The following MREG variants were observed in gnomAD, a reference collection of about 807,000 sequenced individuals.
MREG encodes the protein melanoregulin, also known as dilute suppressor protein homolog.
MREG carries 31 observed loss-of-function variants against 28.5 expected under a neutral mutation model. The observed-to-expected ratio is 1.09, with a 90% CI of 0.82 to 1.47. The LOEUF is 1.47. Ranked by LOEUF, MREG falls within the 40% of genes most tolerant of loss-of-function variation. The pLI is 0.00. For missense variants in MREG, 256 were observed against 257.4 expected (o/e 0.99, Z 0.04); for synonymous variants, 106 against 95.2 (o/e 1.11, Z -0.66).
intron 1 of MREG, among the ~76,000 whole-genome samples, chr2:215,998,535 C>A (rs1316665093): frequency 6.6e-6 from 1 of 152,084 alleles, no homozygotes; most frequent in African/African-American, 2.4e-5. Context: ...AACAAAGTAC[C>A]TGGCCCTATG....
At position 216,004,557 on chromosome 2, in the gene MREG, A is replaced by AC. The variant is rs1243087186; in HGVS notation, c.96-8093_96-8092insG. On this transcript the variant is annotated intron_variant, in intron 1 of 4. Coordinates refer to ENST00000263268, the MANE Select transcript of MREG (RefSeq NM_018000.3). Reference sequence around the variant, plus strand: ...AGACTCTGCCTCAAAAAAAACAAAAAAACAAACAAAAAAAAAAAACCTGTG... The same window carrying AC: ...AGACTCTGCCTCAAAAAAAACAAAAACAACAAACAAAAAAAAAAAACCTGTG... Among the ~76,000 whole-genome samples the AC allele has an allele frequency of 2.6e-3, 262 of 102,192 alleles. 3 individuals carry two copies. Among genetic ancestry groups the AC allele is most frequent in the African/African-American group, 7.3e-3 (158 of 21,662 alleles). The allele number at this position is 102,192 out of a possible 152,430, so 67.0% of individuals were successfully genotyped here.
At chr2:215,954,449 C>A (rs28728392) in intron 2 of MREG, among the ~76,000 whole-genome samples, 24 of 94,088 alleles carry the variant, frequency 2.6e-4, no homozygotes, top group East Asian at 1.5e-3. Flanking sequence ...GTGTACAACA[C>A]ACACACACAC....
intron 1 of MREG, among the ~76,000 whole-genome samples, chr2:216,031,647 AAAAG>A (rs200929112): frequency 0.031 from 3,049 of 97,858 alleles, 84 homozygotes; most frequent in African/African-American, 0.065. Flanking sequence ...AAGGAAGAAG[AAAAG>A]AAAGAAAGAA....
chr2:215,995,023 A>G (rs1345985749), intron 2 of MREG, among the ~76,000 whole-genome samples: 1 of 152,238 alleles, frequency 6.6e-6, no homozygotes, highest in African/African-American at 2.4e-5. Flanking sequence ...GGTTAATGTA[A>G]TACAGGAGTG....
At chr2:216,005,217 G>A (rs1000258487) in intron 1 of MREG, among the ~76,000 whole-genome samples, 31 of 152,076 alleles carry the variant, frequency 2.0e-4, no homozygotes, top group African/African-American at 6.7e-4. Context: ...ACAACAACAC[G>A]GAGGAATCTC....
chr2:215,970,614 C>T (rs1198679155), intron 2 of MREG, among the ~76,000 whole-genome samples: 1 of 152,200 alleles, frequency 6.6e-6, no homozygotes, highest in Non-Finnish European at 1.5e-5. Flanking sequence ...AGGGAAACAG[C>T]ATGAGCTCTG....
intron 2 of MREG, among the ~76,000 whole-genome samples, chr2:215,960,554 G>A (rs987006083): frequency 4.6e-5 from 7 of 152,122 alleles, no homozygotes; most frequent in Admixed American, 2.0e-4. Context: ...AAGATATTTG[G>A]GCTGGGCACG....
chr2:215,963,050 G>C (rs2372677), intron 2 of MREG, among the ~76,000 whole-genome samples: 145,323 of 152,218 alleles, frequency 0.95, 69,514 homozygotes, highest in African/African-American at 0.99. Context: ...ATTGCTTGAG[G>C]CTGGGAGGTC....
At chr2:216,028,820 C>T (rs987964996) in intron 1 of MREG, among the ~76,000 whole-genome samples, 3 of 151,834 alleles carry the variant, frequency 2.0e-5, no homozygotes, top group Non-Finnish European at 4.4e-5. Flanking sequence ...CTGTAATTGT[C>T]TATAACAACA....
At chr2:215,955,229 C>T (rs1406263114) in intron 2 of MREG, among the ~76,000 whole-genome samples, 1 of 152,078 alleles carries the variant, frequency 6.6e-6, no homozygotes, top group Non-Finnish European at 1.5e-5. Flanking sequence ...ACTTTTTTAC[C>T]ATTTAGTATA....
At chr2:215,999,635 G>A (rs1199715984) in intron 1 of MREG, among the ~76,000 whole-genome samples, 1 of 152,212 alleles carries the variant, frequency 6.6e-6, no homozygotes, top group African/African-American at 2.4e-5. Context: ...AATTATGATT[G>A]AGATAAAAGT....
At chr2:216,027,935 C>T (rs1694620745) in intron 1 of MREG, among the ~76,000 whole-genome samples, 1 of 152,118 alleles carries the variant, frequency 6.6e-6, no homozygotes. Flanking sequence ...TTTCAAAATA[C>T]ACTTAAAGTC....
At chr2:215,985,766 GT>G (rs1426082549) in intron 2 of MREG, among the ~76,000 whole-genome samples, 16 of 152,078 alleles carry the variant, frequency 1.1e-4, no homozygotes, top group African/African-American at 2.9e-4. Context: ...ACATTCCTAG[GT>G]CTTTTGTGCT....
intron 1 of MREG, among the ~76,000 whole-genome samples, chr2:216,006,845 T>C (rs529117508): frequency 1.3e-5 from 2 of 152,310 alleles, no homozygotes; most frequent in East Asian, 3.9e-4. Flanking sequence ...AGCCCTCCCT[T>C]ACCCCCACCC....
At chr2:215,946,237 T>TAA (rs112515028) in intron 3 of MREG, among the ~76,000 whole-genome samples, 2 of 140,218 alleles carry the variant, frequency 1.4e-5, no homozygotes, top group African/African-American at 5.3e-5. Context: ...TTTCATTGTT[T>TAA]AAAAAAAAAA....
intron 1 of MREG, among the ~76,000 whole-genome samples, chr2:215,996,835 C>T (rs187017359): frequency 6.6e-6 from 1 of 152,140 alleles, no homozygotes; most frequent in East Asian, 1.9e-4. Context: ...GGCTGGAGTG[C>T]AGTGGCACGA....
At chr2:215,948,217 C>T (rs997242677) in intron 2 of MREG, among the ~76,000 whole-genome samples, 1 of 152,208 alleles carries the variant, frequency 6.6e-6, no homozygotes, top group African/African-American at 2.4e-5. Flanking sequence ...ATTTAGCTGC[C>T]ATTCGCAAAT....
chr2:215,995,373 G>T (rs1053777751), intron 2 of MREG, among the ~76,000 whole-genome samples: 2 of 152,056 alleles, frequency 1.3e-5, no homozygotes, highest in Non-Finnish European at 2.9e-5. Context: ...TAAAAGGACC[G>T]GGACACATGA....
intron 2 of MREG, among the ~76,000 whole-genome samples, chr2:215,982,807 C>G (rs1405960753): frequency 1.3e-5 from 2 of 152,190 alleles, no homozygotes; most frequent in Non-Finnish European, 2.9e-5. Flanking sequence ...CACTTTGTAC[C>G]AGTGACAAAG....
Sources: allele counts gnomAD v4.1 joint callset (sites outside exome capture counted in the v4.1 genomes callset), GRCh38; gene constraint gnomAD v4.1.1; transcripts MANE v1.5; gene names NCBI Gene and HGNC (gene_info 2026-07-23, HGNC 2026-07-21).